PPP1R21: variants seen among roughly 807,000 people sequenced by gnomAD.
PPP1R21 encodes KLRAQ motif containing 1.
PPP1R21 carries 85 observed loss-of-function variants against 112.8 expected under a neutral mutation model. The ratio of observed to expected loss-of-function variants is 0.75; its 90% CI spans 0.63 to 0.90. The LOEUF (loss-of-function observed/expected upper bound fraction) is 0.90. Among genes scored for constraint, PPP1R21 ranks in the 40% least tolerant of loss-of-function variants. The pLI, the probability that PPP1R21 is intolerant of heterozygous loss-of-function variation, is 0.00. For missense variants in PPP1R21, 1,199 were observed against 901.5 expected (o/e 1.33, Z -4.23); for synonymous variants, 381 against 322.3 (o/e 1.18, Z -1.95).
rs1165983396 is a variant in PPP1R21, at chr2:48,440,773, C to T, written c.-181C>T. The T allele has an allele frequency of 4.9e-6, 3 of 610,708 alleles. No homozygotes were observed. The highest frequency in any genetic ancestry group is 3.1e-5 in the Admixed American group (1 of 32,592). The allele number at this position is 610,708 out of a possible 1,614,324, so 37.8% of individuals were successfully genotyped here. ...CGCTCCGCCCCCGGCCCCACTCCAC[C>T]TTCCTCCCACCCCGGGAACCCGGAA... is the stretch of plus-strand genomic sequence containing the variant. On this transcript the variant is annotated 5_prime_UTR_variant, in exon 1 of 22. Coordinates refer to ENST00000294952, the MANE Select transcript of PPP1R21 (RefSeq NM_001135629.3).
At chr2:48,476,660 T>G (rs1262013829) in intron 12 of PPP1R21, among the ~76,000 whole-genome samples, 1 of 152,228 alleles carries the variant, frequency 6.6e-6, no homozygotes, top group African/African-American at 2.4e-5. Context: ...TTAACTGGTA[T>G]CTCATTGTAG....
intron 15 of PPP1R21, 135 bp from the exon 16 acceptor site, chr2:48,495,543 AT>A: frequency 3.4e-6 from 2 of 589,050 alleles, no homozygotes; most frequent in South Asian, 4.4e-5. Flanking sequence ...TTTCACGTGT[AT>A]TAAAGAAAAT....
At chr2:48,471,569 G>C (rs1206960066) in intron 11 of PPP1R21, 2 of 525,962 alleles carry the variant, frequency 3.8e-6, no homozygotes, top group East Asian at 3.1e-5. Context: ...TAGTCTGTCA[G>C]TTACAGATTT....
At chr2:48,481,740 A>G (rs915889766) in intron 13 of PPP1R21, among the ~76,000 whole-genome samples, 2 of 152,172 alleles carry the variant, frequency 1.3e-5, no homozygotes, top group African/African-American at 4.8e-5. Context: ...ATAAAAAAAA[A>G]ATAAATTTTC....
At chr2:48,495,847 C>A (rs752659552) in intron 16 of PPP1R21, 76 bp downstream of exon 16, 2 of 825,710 alleles carry the variant, frequency 2.4e-6, no homozygotes, top group East Asian at 4.9e-5. Flanking sequence ...TTTTAAGATA[C>A]GTAGAATGAT....
chr2:48,492,357 T>A (rs1669606871), intron 15 of PPP1R21, among the ~76,000 whole-genome samples: 1 of 152,196 alleles, frequency 6.6e-6, no homozygotes, highest in South Asian at 2.1e-4. Context: ...TCTTGTCCTT[T>A]TTTCTTCCCA....
intron 19 of PPP1R21, 74 bp downstream of exon 19, chr2:48,507,459 A>G (rs76955615): frequency 2.5e-5 from 38 of 1,549,204 alleles, no homozygotes; most frequent in Middle Eastern, 1.7e-4. Context: ...TCCTGTTTTC[A>G]TGCTGTTCAC....
chr2:48,468,365 C>T (rs972085828), intron 9 of PPP1R21, among the ~76,000 whole-genome samples: 2 of 152,146 alleles, frequency 1.3e-5, no homozygotes, highest in South Asian at 2.1e-4. Flanking sequence ...TGACTCTACA[C>T]GTCTATTGAA....
chr2:48,503,221 C>T (rs1469336396), intron 17 of PPP1R21, among the ~76,000 whole-genome samples: 2 of 152,062 alleles, frequency 1.3e-5, no homozygotes, highest in Non-Finnish European at 2.9e-5. Flanking sequence ...ATGACATTAT[C>T]CTGAATAATC....
chr2:48,511,328 T>C lies in PPP1R21; in HGVS notation c.2185-12T>C. The C allele has an allele frequency of 1.2e-6, 2 of 1,604,404 alleles. No individual in the cohort carries two copies. The highest frequency in any genetic ancestry group is 1.7e-6 in the Non-Finnish European group (2 of 1,177,484). On this transcript the variant is annotated splice_polypyrimidine_tract_variant and intron_variant, in intron 20 of 21. Transcript: ENST00000294952. ...TGGGATGTTGATTTTTGTCTTTTTC[T>C]TTGCTATTTAGGATGAGCTGACAAC... is the stretch of plus-strand genomic sequence containing the variant.
intron 19 of PPP1R21, among the ~76,000 whole-genome samples, chr2:48,507,888 C>G (rs1304392063): frequency 6.7e-6 from 1 of 150,146 alleles, no homozygotes; most frequent in Non-Finnish European, 1.5e-5. Flanking sequence ...GCCCCAGCCT[C>G]CTGAGTAGCT....
chr2:48,483,018 C>T (rs951890470), intron 13 of PPP1R21, among the ~76,000 whole-genome samples: 1 of 151,892 alleles, frequency 6.6e-6, no homozygotes, highest in Non-Finnish European at 1.5e-5. Flanking sequence ...CTTCCATTGA[C>T]AAGTGAGAAC....
intron 13 of PPP1R21, among the ~76,000 whole-genome samples, chr2:48,482,403 CA>C (rs1230080902): frequency 6.6e-6 from 1 of 152,140 alleles, no homozygotes; most frequent in Non-Finnish European, 1.5e-5. Flanking sequence ...TGCAACCTCC[CA>C]GACCCAGAGC....
At position 48,498,732 on chromosome 2, in the gene PPP1R21, T is replaced by C. The variant is rs1370661452; in HGVS notation, c.1932T>C (p.Ser644=). 4 of 1,613,938 alleles carry C rather than the reference T, an allele frequency of 2.5e-6. No homozygotes were observed. The highest frequency in any genetic ancestry group is 3.4e-6 in the Non-Finnish European group (4 of 1,179,832). The change falls in exon 17 of 22, where the codon AGT becomes AGC. Residue 644 remains serine, a synonymous_variant. Transcript: ENST00000294952. ...KAVLEPIQST[S]LIGTLTRTSD... ...TGTTGGAGCCCATTCAGAGCACCAG[T>C]CTAGTAAGTGTCTTCTTGGTTGTCC... is the stretch of plus-strand genomic sequence containing the variant.
intron 13 of PPP1R21, among the ~76,000 whole-genome samples, chr2:48,481,058 C>T (rs191537043): frequency 9.0e-4 from 137 of 152,224 alleles, no homozygotes; most frequent in African/African-American, 2.8e-3. Flanking sequence ...GTGTGATCTC[C>T]GCTCACTGCA....
chr2:48,513,813 G>A (rs1670744751), intron 21 of PPP1R21, among the ~76,000 whole-genome samples: 1 of 152,040 alleles, frequency 6.6e-6, no homozygotes, highest in Non-Finnish European at 1.5e-5. Flanking sequence ...TTAAATACAG[G>A]AATTTAATTA....
Position 48,459,688 on chromosome 2 carries a change from C to T in PPP1R21, c.376-66C>T, listed in dbSNP as rs550751433. ...GAAGTTGCTCAGTGAATAGTCACTG[C>T]TGTTATTTTTCTCATTTATGTATAT... On this transcript the variant is annotated intron_variant, in intron 4 of 21. Transcript: ENST00000294952. 20 of 1,531,966 alleles carry T rather than the reference C, an allele frequency of 1.3e-5. No individual in the cohort carries two copies. In the African/African-American group the frequency reaches 1.9e-4, roughly 15 times the overall value. The allele number at this position is 1,531,966 out of a possible 1,614,324, so 94.9% of individuals were successfully genotyped here. A position where few individuals can be genotyped will look rare whatever the true frequency, so the allele number is the denominator to read the frequency against.
At chr2:48,505,660 G>T in intron 18 of PPP1R21, 64 bp downstream of exon 18, 1 of 1,342,112 alleles carries the variant, frequency 7.5e-7, no homozygotes, top group Non-Finnish European at 1.0e-6. Context: ...TGTTGACAAA[G>T]TCCTGCAAAA....
In PPP1R21 at chr2:48,465,545, T is replaced by C. The variant is rs1425161701; in HGVS notation, c.800T>C (p.Val267Ala). ...GQALAFVQDL[V>A]TALLNFHTYT... ...GCCCTGGCTTTTGTTCAGGATCTTG[T>C]GACGGCTCTTCTAAACTTTCATACC... Residue 267 changes from valine (V) to alanine (A), a missense_variant, in exon 9 of 22, where the codon GTG (valine) becomes GCG (alanine). Transcript: ENST00000294952. 1 of 1,614,048 alleles carries C rather than the reference T, an allele frequency of 6.2e-7. No individual in the cohort carries two copies. Among genetic ancestry groups the C allele is most frequent in the East Asian group, 2.2e-5 (1 of 44,878 alleles).
Sources: gnomAD v4.1 joint callset for allele counts (sites outside exome capture counted in the v4.1 genomes callset) on GRCh38, gnomAD v4.1.1 for gene constraint, MANE v1.5 for transcripts, NCBI Gene and HGNC (gene_info 2026-07-23, HGNC 2026-07-21) for gene names.